Variants in DTNA observed in about 807,000 individuals in gnomAD.
DTNA encodes dystrobrevin alpha.
DTNA carries 43 observed loss-of-function variants against 100.7 expected under a neutral mutation model. That is an observed-to-expected ratio of 0.43 (90% confidence interval 0.33 to 0.55). DTNA has a LOEUF of 0.55. DTNA is among the 20% of genes least tolerant of loss of function. The pLI is 0.04. For missense variants in DTNA, 798 were observed against 953.9 expected (o/e 0.84, Z 2.15); for synonymous variants, 349 against 347.9 (o/e 1.00, Z -0.04).
rs148290422 is a variant in DTNA, at chr18:34,849,288, A to G, written c.1434+905A>G. Among the ~76,000 whole-genome samples, 837 of 152,338 alleles carry G rather than the reference A, an allele frequency of 5.5e-3. 8 individuals are homozygous for G. The highest frequency in any genetic ancestry group is 0.019 in the African/African-American group (795 of 41,570). ...TACAGGAGAATTAGATTTTAGGACA[A>G]GCAACCACTCCAGGAGTCACTTGAA... On this transcript the variant is annotated intron_variant, in intron 14 of 22. Transcript: ENST00000444659.
At chr18:34,766,153 A>G in intron 3 of DTNA, 112 bp downstream of exon 3, 2 of 1,222,596 alleles carry the variant, frequency 1.6e-6, no homozygotes, top group Non-Finnish European at 2.3e-6. Context: ...ATTGTTATAT[A>G]TGTTTACACA....
chr18:34,679,542 A>G (rs1238834056), intron 1 of DTNA: 1 of 152,238 alleles, frequency 6.6e-6, no homozygotes, highest in African/African-American at 2.4e-5. Context: ...GCCATTTCAA[A>G]GAATATAGAT....
chr18:34,661,265 C>T (rs909835758), intron 1 of DTNA, among the ~76,000 whole-genome samples: 7 of 152,158 alleles, frequency 4.6e-5, no homozygotes, highest in African/African-American at 1.4e-4. Context: ...ATCAAATTAG[C>T]AGTACTTACT....
chr18:34,837,533 A>G (rs1466536775), intron 11 of DTNA, among the ~76,000 whole-genome samples: 2 of 152,256 alleles, frequency 1.3e-5, no homozygotes, highest in African/African-American at 4.8e-5. Context: ...ATAAGAAATA[A>G]CAATATATAT....
intron 1 of DTNA, among the ~76,000 whole-genome samples, chr18:34,642,080 T>C (rs1162682559): frequency 6.6e-6 from 1 of 152,200 alleles, no homozygotes; most frequent in Non-Finnish European, 1.5e-5. Flanking sequence ...GATTATTCAC[T>C]GGATATGAGG....
chr18:34,866,563 C>T (rs1260454810), intron 17 of DTNA: 1 of 1,036,998 alleles, frequency 9.6e-7, no homozygotes, highest in Non-Finnish European at 1.2e-6. Context: ...CCCACTCACA[C>T]TGTGAGTATT....
chr18:34,785,695 AT>A (rs1476946160), intron 3 of DTNA, among the ~76,000 whole-genome samples: 1 of 152,308 alleles, frequency 6.6e-6, no homozygotes, highest in Middle Eastern at 3.4e-3. Flanking sequence ...AATATATACA[AT>A]TTTTATATGC....
intron 2 of DTNA, 139 bp downstream of exon 2, chr18:34,756,182 C>T: frequency 1.0e-6 from 1 of 952,788 alleles, no homozygotes; most frequent in East Asian, 2.7e-5. Context: ...TACATTTTGG[C>T]CTTTTTTACT....
chr18:34,745,968 G>T (rs1046252571), intron 1 of DTNA, among the ~76,000 whole-genome samples: 2 of 152,120 alleles, frequency 1.3e-5, no homozygotes, highest in African/African-American at 4.8e-5. Flanking sequence ...TCCTTGTCCT[G>T]TTGCAGCCTC....
rs1170359308 is a variant in DTNA, at chr18:34,838,275, A to G, written c.1253+104A>G. The G allele has an allele frequency of 2.4e-5, 30 of 1,271,686 alleles. 1 individual carries two copies. In the Middle Eastern group the frequency reaches 1.1e-3, roughly 48 times the overall value. The allele number at this position is 1,271,686 out of a possible 1,614,324, so 78.8% of individuals were successfully genotyped here. A position where few individuals can be genotyped will look rare whatever the true frequency, so the allele number is the denominator to read the frequency against. On this transcript the variant is annotated intron_variant, in intron 12 of 22. Transcript: ENST00000444659. ...GTGTGTGAAAGACTGTCTTTGATTC[A>G]GTAAAAGCAGCTCTGCTTTAACCCA...
chr18:34,686,238 T>A (rs56114334), intron 1 of DTNA, among the ~76,000 whole-genome samples: 2 of 152,086 alleles, frequency 1.3e-5, no homozygotes, highest in Non-Finnish European at 2.9e-5. Flanking sequence ...GGAATGCTTC[T>A]GGCTTTTGCC....
chr18:34,596,572 A>G (rs1391497711), intron 1 of DTNA, among the ~76,000 whole-genome samples: 1 of 152,152 alleles, frequency 6.6e-6, no homozygotes, highest in Non-Finnish European at 1.5e-5. Context: ...AATACATACA[A>G]ATATCTTATT....
chr18:34,841,859 T>C (rs1461695486), intron 13 of DTNA, among the ~76,000 whole-genome samples: 1 of 152,170 alleles, frequency 6.6e-6, no homozygotes, highest in Non-Finnish European at 1.5e-5. Flanking sequence ...TTCTACCCTA[T>C]ATTAACTACT....
intron 1 of DTNA, among the ~76,000 whole-genome samples, chr18:34,533,475 C>T (rs1358108866): frequency 6.6e-6 from 1 of 151,670 alleles, no homozygotes; most frequent in East Asian, 1.9e-4. Flanking sequence ...CAGCAAGTAA[C>T]CACTGCTAAG....
chr18:34,818,487 C>T (rs116132890), intron 8 of DTNA, 157 bp downstream of exon 8: 13 of 1,519,468 alleles, frequency 8.6e-6, no homozygotes, highest in South Asian at 2.5e-5. Context: ...CACCCTACTG[C>T]GTGCTCTTAC....
At chr18:34,801,666 A>G (rs2095218641) in intron 4 of DTNA, among the ~76,000 whole-genome samples, 5 of 151,890 alleles carry the variant, frequency 3.3e-5, no homozygotes, top group Admixed American at 3.3e-4. Flanking sequence ...GCACACCACC[A>G]TGCCCGGCTA....
intron 1 of DTNA, among the ~76,000 whole-genome samples, chr18:34,535,564 G>C (rs2043617932): frequency 6.6e-6 from 1 of 152,016 alleles, no homozygotes; most frequent in African/African-American, 2.4e-5. Context: ...TTAAGTCTTT[G>C]CCCATGCCTA....
intron 4 of DTNA, among the ~76,000 whole-genome samples, chr18:34,800,119 C>A (rs565004091): frequency 6.6e-6 from 1 of 152,292 alleles, no homozygotes; most frequent in Non-Finnish European, 1.5e-5. Flanking sequence ...CAATCATTAT[C>A]ATCGTATTCA....
intron 1 of DTNA, among the ~76,000 whole-genome samples, chr18:34,683,038 A>G (rs1170611129): frequency 1.3e-5 from 2 of 152,144 alleles, no homozygotes; most frequent in Non-Finnish European, 2.9e-5. Context: ...AAACTTTACT[A>G]TGTACAGTAT....
Sources: gnomAD v4.1 joint callset for allele counts (sites outside exome capture counted in the v4.1 genomes callset) on GRCh38, gnomAD v4.1.1 for gene constraint, MANE v1.5 for transcripts, NCBI Gene and HGNC (gene_info 2026-07-23, HGNC 2026-07-21) for gene names.